The following PCBD2 variants were observed in gnomAD, a reference collection of about 807,000 sequenced individuals.
PCBD2 encodes pterin-4 alpha-carbinolamine dehydratase 2.
PCBD2 carries 12 observed loss-of-function variants against 16.4 expected under a neutral mutation model. The ratio of observed to expected loss-of-function variants is 0.73; its 90% CI spans 0.47 to 1.19. The LOEUF (loss-of-function observed/expected upper bound fraction) is 1.19, where lower values mean the gene tolerates loss of function less well. Among genes scored for constraint, PCBD2 ranks in the 50% most tolerant of loss-of-function variants. The pLI is 0.00. For synonymous variants in PCBD2, 58 were observed against 61.8 expected (o/e 0.94, Z 0.29); for missense variants, 138 against 156.8 (o/e 0.88, Z 0.64).
intron 2 of PCBD2, among the ~76,000 whole-genome samples, chr5:134,954,989 G>T (rs536038602): frequency 6.6e-6 from 1 of 152,012 alleles, no homozygotes; most frequent in African/African-American, 2.4e-5. Flanking sequence ...TGATGCGCCT[G>T]CCTCGGCTTC....
intron 1 of PCBD2, chr5:134,908,760 T>A (rs1174233962): frequency 6.6e-6 from 1 of 152,116 alleles, no homozygotes; most frequent in Non-Finnish European, 1.5e-5. Context: ...AGAAAACTGA[T>A]TTATTAGTAT....
At position 134,942,028 on chromosome 5, in the gene PCBD2, G is replaced by C. The variant is rs984292802; in HGVS notation, c.217-17012G>C. 9.2e-5 allele frequency among the ~76,000 whole-genome samples: 14 copies of C among 151,396 alleles called. No individual in the cohort carries two copies. In the South Asian group the frequency reaches 1.7e-3, roughly 18 times the overall value. ...GCCTGTAGTCCCAGCTACTTGGGGGGGCTGAGGCAGGAGAATGGCGTGAAC... is the reference window on the plus strand; with the variant it reads ...GCCTGTAGTCCCAGCTACTTGGGGGCGCTGAGGCAGGAGAATGGCGTGAAC... On this transcript the variant is annotated intron_variant, in intron 2 of 3. Coordinates refer to ENST00000254908, the MANE Select transcript of PCBD2 (RefSeq NM_032151.5).
intron 2 of PCBD2, among the ~76,000 whole-genome samples, chr5:134,934,572 C>A (rs913747521): frequency 6.6e-6 from 1 of 152,222 alleles, no homozygotes; most frequent in African/African-American, 2.4e-5. Flanking sequence ...GTCTTACATT[C>A]TTAATCTTTC....
rs1243159374 is a variant in PCBD2 at position 134,961,576 on chromosome 5, G to T, written c.*895G>T. On this transcript the variant is annotated 3_prime_UTR_variant, in exon 4 of 4. Transcript: ENST00000254908. ...TGGGATCACAGGCATGAGCCACCGC[G>T]CTTGGCCAGAAGTGGCATTCTTAAA... is the stretch of plus-strand genomic sequence containing the variant. Among the ~76,000 whole-genome samples the T allele has an allele frequency of 6.6e-5, 10 of 152,120 alleles. No individual in the cohort carries two copies. Among genetic ancestry groups the T allele is most frequent in the African/African-American group, 1.9e-4 (8 of 41,426 alleles).
chr5:134,959,329 C>T (rs370770768), intron 3 of PCBD2, among the ~76,000 whole-genome samples: 86 of 152,130 alleles, frequency 5.7e-4, no homozygotes, highest in African/African-American at 1.7e-3. Flanking sequence ...TCATGCTTGT[C>T]TTTCTACTGA....
intron 2 of PCBD2, among the ~76,000 whole-genome samples, chr5:134,939,414 G>C (rs1751198532): frequency 6.6e-6 from 1 of 151,088 alleles, no homozygotes; most frequent in Admixed American, 6.6e-5. Context: ...TAATGCATAT[G>C]GGGCATCTGC....
chr5:134,910,606 GTGACA>G, intron 2 of PCBD2, 140 bp downstream of exon 2: 1 of 1,110,044 alleles, frequency 9.0e-7, no homozygotes, highest in Non-Finnish European at 1.3e-6. Flanking sequence ...CAGTGATAGA[GTGACA>G]TCCTTGTTGA....
rs1479883482 is a variant in PCBD2 at position 134,905,173 on chromosome 5, C to T, written c.34C>T (p.Arg12Trp). ...GGTGCTCGGGGCGCTCGGGGCGACG[C>T]GGCGCTTGTTGGCGGCGCTGCGAGG... ...AAVLGALGAT[R>W]RLLAALRGQS... Residue 12 changes from arginine (R) to tryptophan (W), a missense_variant, in exon 1 of 4, where the codon CGG (arginine) becomes TGG (tryptophan). By Grantham distance (101) the Arg-to-Trp change is moderately radical. Transcript: ENST00000254908. 8.2e-7 allele frequency: 1 copy of T among 1,223,052 alleles called. No individual in the cohort carries two copies. The highest frequency in any genetic ancestry group is 1.0e-6 in the Non-Finnish European group (1 of 982,672). The allele number at this position is 1,223,052 out of a possible 1,614,324, so 75.8% of individuals were successfully genotyped here.
intron 2 of PCBD2, among the ~76,000 whole-genome samples, chr5:134,944,606 T>G (rs948311969): frequency 6.6e-6 from 1 of 152,102 alleles, no homozygotes; most frequent in Middle Eastern, 3.2e-3. Flanking sequence ...TGGTCCAGAT[T>G]GTACTGGATG....
intron 2 of PCBD2, chr5:134,928,542 A>G (rs963907119): frequency 5.9e-5 from 16 of 270,254 alleles, no homozygotes; most frequent in Non-Finnish European, 1.0e-4. Context: ...GGGTATTAAG[A>G]ATGACTTCCA....
Position 134,910,475 on chromosome 5 carries a change from T to C in PCBD2, c.216+9T>C. The C allele has an allele frequency of 6.2e-7, 1 of 1,613,744 alleles. No individual in the cohort carries two copies. The highest frequency in any genetic ancestry group is 1.1e-5 in the South Asian group (1 of 91,056). On this transcript the variant is annotated intron_variant, in intron 2 of 3. Transcript: ENST00000254908. ...TCCACAATTTTAATCAGGTAATTGT[T>C]ATAAATTCTTGCTAGGGCTGTGGTC... is the stretch of plus-strand genomic sequence containing the variant.
In PCBD2 at chr5:134,936,432, G is replaced by C. The variant is rs549545357; in HGVS notation, c.217-22608G>C. On this transcript the variant is annotated intron_variant, in intron 2 of 3. Transcript: ENST00000254908. Reference sequence around the variant, plus strand: ...CTTGAGGAACGGGAGCTGTGACCAGGGCCAGAGCCCAGGAAGGTGCTGGGT... The same window carrying C: ...CTTGAGGAACGGGAGCTGTGACCAGCGCCAGAGCCCAGGAAGGTGCTGGGT... Among the ~76,000 whole-genome samples the C allele has an allele frequency of 9.2e-5, 14 of 152,330 alleles. No homozygotes were observed. In the South Asian group the frequency reaches 2.9e-3, roughly 32 times the overall value.
intron 2 of PCBD2, among the ~76,000 whole-genome samples, chr5:134,933,710 G>C (rs1318561705): frequency 6.6e-6 from 1 of 152,150 alleles, no homozygotes; most frequent in Non-Finnish European, 1.5e-5. Context: ...AAAGTGTCAG[G>C]GAGCTGTACT....
chr5:134,949,853 G>A (rs1019353547), intron 2 of PCBD2, among the ~76,000 whole-genome samples: 1 of 152,200 alleles, frequency 6.6e-6, no homozygotes, highest in Admixed American at 6.5e-5. Flanking sequence ...GCTTGGCAAT[G>A]ATCTTGCCTT....
chr5:134,928,852 G>A (rs1314837114), intron 2 of PCBD2, among the ~76,000 whole-genome samples: 1 of 152,132 alleles, frequency 6.6e-6, no homozygotes, highest in African/African-American at 2.4e-5. Flanking sequence ...GGAGGAAATA[G>A]GTGGCTGGAA....
At chr5:134,953,826 A>G (rs1178778903) in intron 2 of PCBD2, among the ~76,000 whole-genome samples, 4 of 152,082 alleles carry the variant, frequency 2.6e-5, no homozygotes, top group African/African-American at 9.7e-5. Flanking sequence ...AAAAGAAAAT[A>G]TAGTCTTCTA....
rs987250618 is a variant in PCBD2 at position 134,961,221 on chromosome 5, T to C, written c.*540T>C. ...CTGGAACCTGAGGTATTTTTCATGC[T>C]ATCTAATCATATACCTAAGATAAAC... On this transcript the variant is annotated 3_prime_UTR_variant, in exon 4 of 4. Transcript: ENST00000254908. The C allele has an allele frequency of 6.6e-6, 1 of 152,346 alleles. No individual in the cohort carries two copies. Among genetic ancestry groups the C allele is most frequent in the African/African-American group, 2.4e-5 (1 of 41,448 alleles). 9.4% of individuals were successfully genotyped at this position (152,346 alleles called of 1,614,324 possible).
chr5:134,931,714 T>TG (rs1751097282), intron 2 of PCBD2, among the ~76,000 whole-genome samples: 1 of 152,222 alleles, frequency 6.6e-6, no homozygotes, highest in Non-Finnish European at 1.5e-5. Flanking sequence ...ACAAAGGATA[T>TG]GGATTGCAGT....
intron 2 of PCBD2, among the ~76,000 whole-genome samples, chr5:134,912,454 C>G (rs2149530345): frequency 6.6e-6 from 1 of 152,214 alleles, no homozygotes; most frequent in East Asian, 1.9e-4. Flanking sequence ...TGGGGTGAGC[C>G]CATATAGGAT....
Sources: allele counts gnomAD v4.1 joint callset (sites outside exome capture counted in the v4.1 genomes callset), GRCh38; gene constraint gnomAD v4.1.1; transcripts MANE v1.5; gene names NCBI Gene and HGNC (gene_info 2026-07-23, HGNC 2026-07-21).